Variants in PANK3 observed in about 807,000 individuals in gnomAD.
PANK3 encodes the protein pantothenate kinase 3, also known as hPanK3.
In PANK3, 20 loss-of-function variants were observed where a neutral mutation model predicts 39.4. That is an observed-to-expected ratio of 0.51 (90% CI 0.36 to 0.74). The LOEUF (loss-of-function observed/expected upper bound fraction) is 0.74, where lower values mean the gene tolerates loss of function less well. Ranked by LOEUF, PANK3 falls within the 30% of genes least tolerant of loss-of-function variation. The pLI, the probability that PANK3 is intolerant of heterozygous loss-of-function variation, is 0.00. For synonymous variants in PANK3, 140 were observed against 157.3 expected (o/e 0.89, Z 0.82); for missense variants, 265 against 437.0 (o/e 0.61, Z 3.51).
In PANK3 at chr5:168,556,882, C is replaced by G. The variant is rs1759356788; in HGVS notation, c.*689G>C. Reference sequence around the variant, plus strand: ...TCCAATCTTAAAATGTTAAACATTTCAACATGTATTGACTAATTCCTGTAA... The same window carrying G: ...TCCAATCTTAAAATGTTAAACATTTGAACATGTATTGACTAATTCCTGTAA... On this transcript the variant is annotated 3_prime_UTR_variant, in exon 7 of 7. Coordinates refer to ENST00000239231, the MANE Select transcript of PANK3 (RefSeq NM_024594.4). 1 of 152,606 alleles carries G rather than the reference C, an allele frequency of 6.6e-6. No homozygotes were observed. The highest frequency in any genetic ancestry group is 1.5e-5 in the Non-Finnish European group (1 of 68,032). 9.5% of individuals were successfully genotyped at this position (152,606 alleles called of 1,614,324 possible).
chr5:168,551,500 TC>T lies in PANK3; in HGVS notation c.*6070del, dbSNP rs1759271621. On this transcript the variant is annotated 3_prime_UTR_variant, in exon 7 of 7. Coordinates refer to ENST00000239231, the MANE Select transcript of PANK3 (RefSeq NM_024594.4). Reference sequence around the variant, plus strand: ...CAATAGACTAAAATGCATAAAGTGCTCAACAGAAAAAGATACAATATGAAAA... The same window carrying T: ...CAATAGACTAAAATGCATAAAGTGCTAACAGAAAAAGATACAATATGAAAA... 1.3e-5 allele frequency: 2 copies of T among 152,138 alleles called. No homozygotes were observed. Among genetic ancestry groups the T allele is most frequent in the African/African-American group, 4.8e-5 (2 of 41,438 alleles). 9.4% of individuals were successfully genotyped at this position (152,138 alleles called of 1,614,324 possible). A position where few individuals can be genotyped will look rare whatever the true frequency, so the allele number is the denominator to read the frequency against.
intron 4 of PANK3, among the ~76,000 whole-genome samples, chr5:168,563,399 C>A (rs1470394021): frequency 6.6e-6 from 1 of 152,160 alleles, no homozygotes; most frequent in Non-Finnish European, 1.5e-5. Context: ...TAGCACTCTA[C>A]TGGTGAAACA....
chr5:168,574,371 T>G (rs989775945), intron 1 of PANK3, among the ~76,000 whole-genome samples: 21 of 152,174 alleles, frequency 1.4e-4, no homozygotes, highest in Non-Finnish European at 2.4e-4. Context: ...GGTTGTTTGT[T>G]TTTTTAGTAA....
intron 1 of PANK3, among the ~76,000 whole-genome samples, chr5:168,570,986 CGT>C (rs1377838842): frequency 1.3e-5 from 2 of 152,112 alleles, no homozygotes; most frequent in Non-Finnish European, 2.9e-5. Context: ...AGATTCCTGA[CGT>C]CTTACCTCAG....
At chr5:168,570,775 C>T (rs139151147) in intron 1 of PANK3, among the ~76,000 whole-genome samples, 1 of 152,258 alleles carries the variant, frequency 6.6e-6, no homozygotes, top group Non-Finnish European at 1.5e-5. Context: ...ACACTACTGA[C>T]GTTCTAAGTA....
chr5:168,568,057 T>C (rs1759564064), intron 2 of PANK3, among the ~76,000 whole-genome samples: 1 of 152,296 alleles, frequency 6.6e-6, no homozygotes, highest in East Asian at 1.9e-4. Flanking sequence ...GACTAGAAGA[T>C]GGCAAACTGC....
chr5:168,561,913 T>C (rs1207092182), intron 4 of PANK3, among the ~76,000 whole-genome samples: 7 of 152,326 alleles, frequency 4.6e-5, no homozygotes, highest in South Asian at 4.1e-4. Flanking sequence ...TGGAGACAGA[T>C]AGTCCCTCAA....
Position 168,573,753 on chromosome 5 carries a change from T to C in PANK3, c.29-4755A>G, listed in dbSNP as rs900188664. Among the ~76,000 whole-genome samples, 110 of 144,986 alleles carry C rather than the reference T, an allele frequency of 7.6e-4. 1 individual carries two copies. Among genetic ancestry groups the C allele is most frequent in the Admixed American group, 1.9e-3 (26 of 13,780 alleles). ...TCATTGTTCAATTCCCACCTATGAG[T>C]GAGAATATGCGGTGTTTGGTTTTTT... On this transcript the variant is annotated intron_variant, in intron 1 of 6. Transcript: ENST00000239231.
chr5:168,569,010 A>G lies in PANK3; in HGVS notation c.29-12T>C, dbSNP rs768824041. On this transcript the variant is annotated splice_polypyrimidine_tract_variant and intron_variant, in intron 1 of 6. Transcript: ENST00000239231. ...AAACCATGGGAAAGCTATGGGAGGAAAAAAAAAAAAAAAAAAAAAAATATA... is the reference window on the plus strand; with the variant it reads ...AAACCATGGGAAAGCTATGGGAGGAGAAAAAAAAAAAAAAAAAAAAATATA... The G allele has an allele frequency of 3.5e-3, 661 of 186,218 alleles. 63 individuals are homozygous for G. Among genetic ancestry groups the G allele is most frequent in the East Asian group, 6.8e-3 (37 of 5,476 alleles). The allele number at this position is 186,218 out of a possible 1,614,324, so 11.5% of individuals were successfully genotyped here.
chr5:168,567,811 G>T (rs775680220), intron 2 of PANK3, among the ~76,000 whole-genome samples: 17 of 151,946 alleles, frequency 1.1e-4, no homozygotes, highest in Non-Finnish European at 2.5e-4. Flanking sequence ...GTAGAGACGG[G>T]GTCCCACTAT....
intron 5 of PANK3, chr5:168,560,866 C>A (rs755665801): frequency 2.4e-6 from 1 of 420,426 alleles, no homozygotes; most frequent in South Asian, 1.9e-5. Context: ...TAACAATAAA[C>A]ACCACTCAAA....
intron 4 of PANK3, among the ~76,000 whole-genome samples, chr5:168,562,460 C>T (rs1048448736): frequency 2.2e-4 from 33 of 152,246 alleles, no homozygotes; most frequent in African/African-American, 7.5e-4. Flanking sequence ...AGCGTCTATG[C>T]AAGGGAGAGG....
chr5:168,565,190 TTAAAA>T (rs1361633273), intron 3 of PANK3, among the ~76,000 whole-genome samples: 1 of 152,222 alleles, frequency 6.6e-6, no homozygotes, highest in African/African-American at 2.4e-5. Flanking sequence ...TACTTTAAAA[TTAAAA>T]TGAGTTTTTT....
chr5:168,564,290 GAGGAA>G (rs749849173), intron 3 of PANK3, among the ~76,000 whole-genome samples: 19 of 152,162 alleles, frequency 1.2e-4, no homozygotes, highest in Non-Finnish European at 1.9e-4. Flanking sequence ...GTGGAAACAT[GAGGAA>G]AGGAAAGACC....
At chr5:168,565,695 A>G (rs1759512284) in intron 3 of PANK3, among the ~76,000 whole-genome samples, 1 of 151,552 alleles carries the variant, frequency 6.6e-6, no homozygotes, top group Non-Finnish European at 1.5e-5. Flanking sequence ...TAATAATTTC[A>G]GTTTGAGTCT....
Position 168,573,416 on chromosome 5 carries a change from C to CAAAAAAAAAAAAAAA in PANK3, c.29-4433_29-4419dup. ...CACGAGATGCAGAACCTCAGCAAGG[C>CAAAAAAAAAAAAAAA]AAAAAAAAAAAAAAAAAAAAAAAAA... On this transcript the variant is annotated intron_variant, in intron 1 of 6. Transcript: ENST00000239231. Among the ~76,000 whole-genome samples the CAAAAAAAAAAAAAAA allele has an allele frequency of 4.1e-3, 70 of 16,948 alleles. 9 individuals carry two copies. Among genetic ancestry groups the CAAAAAAAAAAAAAAA allele is most frequent in the South Asian group, 5.7e-3 (2 of 350 alleles). 11.1% of individuals were successfully genotyped at this position (16,948 alleles called of 152,430 possible).
At chr5:168,560,902 C>A in intron 5 of PANK3, 1 of 499,146 alleles carries the variant, frequency 2.0e-6, no homozygotes, top group East Asian at 5.6e-5. Context: ...GTCTCAATGC[C>A]TTCATAGCCC....
In PANK3 at chr5:168,569,222, T is replaced by C. The variant is rs185559881; in HGVS notation, c.29-224A>G. 3.9e-3 allele frequency among the ~76,000 whole-genome samples: 566 copies of C among 144,026 alleles called. 12 individuals carry two copies. In the East Asian group the frequency reaches 0.055, roughly 14 times the overall value. 94.5% of individuals were successfully genotyped at this position (144,026 alleles called of 152,430 possible). A position where few individuals can be genotyped will look rare whatever the true frequency, so the allele number is the denominator to read the frequency against. ...TTTTTTGAGATGGAGTCTCGCTCTG[T>C]TGCCCAGGCTGGAGTGCAGTGGCGC... On this transcript the variant is annotated intron_variant, in intron 1 of 6. Transcript: ENST00000239231.
chr5:168,561,118 T>G, intron 5 of PANK3: 1 of 306,058 alleles, frequency 3.3e-6, no homozygotes, highest in Non-Finnish European at 6.6e-6. Flanking sequence ...GCTTAGAACT[T>G]TCTTTTACAT....
Sources: gnomAD v4.1 joint callset for allele counts (sites outside exome capture counted in the v4.1 genomes callset) on GRCh38, gnomAD v4.1.1 for gene constraint, MANE v1.5 for transcripts, NCBI Gene and HGNC (gene_info 2026-07-23, HGNC 2026-07-21) for gene names.